MDGA2: variants seen among roughly 807,000 people sequenced by gnomAD.
MDGA2 encodes MAM domain containing glycosylphosphatidylinositol anchor 2.
In MDGA2, 40 loss-of-function variants were observed where a neutral mutation model predicts 117.8. The ratio of observed to expected loss-of-function variants is 0.34; its 90% CI spans 0.26 to 0.44. MDGA2 has a LOEUF of 0.44. Among genes scored for constraint, MDGA2 ranks in the 20% least tolerant of loss-of-function variants. MDGA2 has a pLI of 1.00. For synonymous variants in MDGA2, 452 were observed against 439.0 expected (o/e 1.03, Z -0.37); for missense variants, 1,123 against 1,250.6 (o/e 0.90, Z 1.54).
intron 1 of MDGA2, among the ~76,000 whole-genome samples, chr14:47,353,905 A>G (rs1890937387): frequency 6.6e-6 from 1 of 152,200 alleles, no homozygotes; most frequent in African/African-American, 2.4e-5. Flanking sequence ...AAAATCCTCA[A>G]CAGAATACTA....
At chr14:47,079,005 T>A (rs898780337) in intron 6 of MDGA2, among the ~76,000 whole-genome samples, 4 of 151,834 alleles carry the variant, frequency 2.6e-5, no homozygotes. Flanking sequence ...CAATACAACT[T>A]TTTTTAGATT....
chr14:47,224,306 T>TAGATAC (rs1235846779), intron 2 of MDGA2, among the ~76,000 whole-genome samples: 3 of 151,840 alleles, frequency 2.0e-5, no homozygotes, highest in African/African-American at 4.8e-5. Flanking sequence ...GATATAGATA[T>TAGATAC]AGATATAGAT....
At chr14:47,070,684 C>A (rs1202538964) in intron 6 of MDGA2, among the ~76,000 whole-genome samples, 1 of 152,172 alleles carries the variant, frequency 6.6e-6, no homozygotes, top group Non-Finnish European at 1.5e-5. Flanking sequence ...TGGCTCACTG[C>A]AACCTCTGCC....
chr14:47,568,712 T>TA (rs1230852726), intron 1 of MDGA2, among the ~76,000 whole-genome samples: 4 of 152,216 alleles, frequency 2.6e-5, no homozygotes, highest in Admixed American at 6.5e-5. Context: ...TTATAGTCTA[T>TA]AAAAAATAAT....
rs573330959 is a variant in MDGA2 at position 47,132,593 on chromosome 14, T to C, written c.793-747A>G. Among the ~76,000 whole-genome samples, 9 of 151,930 alleles carry C rather than the reference T, an allele frequency of 5.9e-5. No homozygotes were observed. In the South Asian group the frequency reaches 1.2e-3, roughly 21 times the overall value. Reference sequence around the variant, plus strand: ...ACTTTGTAAAAACATTGGATTGAAATTGTTGAAAGGAAAAAAAGAACAAAC... The same window carrying C: ...ACTTTGTAAAAACATTGGATTGAAACTGTTGAAAGGAAAAAAAGAACAAAC... On this transcript the variant is annotated intron_variant, in intron 4 of 16. Coordinates refer to ENST00000399232, the MANE Select transcript of MDGA2 (RefSeq NM_001113498.3).
chr14:47,318,810 G>GAAGGAAGGAAGC (rs1889890214), intron 1 of MDGA2, among the ~76,000 whole-genome samples: 2 of 149,942 alleles, frequency 1.3e-5, no homozygotes, highest in African/African-American at 2.5e-5. Flanking sequence ...AGGGAGGAAA[G>GAAGGAAGGAAGC]AAGGAAGGAA....
chr14:46,875,768 G>T (rs1882202488), intron 12 of MDGA2, among the ~76,000 whole-genome samples: 1 of 151,484 alleles, frequency 6.6e-6, no homozygotes, highest in South Asian at 2.1e-4. Context: ...AATGTTTTCA[G>T]TTATTTAATT....
At chr14:47,429,600 A>G (rs979990026) in intron 1 of MDGA2, among the ~76,000 whole-genome samples, 4 of 152,110 alleles carry the variant, frequency 2.6e-5, no homozygotes, top group African/African-American at 9.7e-5. Context: ...CATTAGGTAC[A>G]ATCTTCATAA....
At chr14:46,982,705 C>CAAAA (rs59530070) in intron 8 of MDGA2, among the ~76,000 whole-genome samples, 30 of 45,940 alleles carry the variant, frequency 6.5e-4, no homozygotes, top group African/African-American at 2.3e-3. Context: ...GAGACTCCAT[C>CAAAA]AAAAAAAAAA....
chr14:46,938,432 G>T (rs191363618), intron 9 of MDGA2, among the ~76,000 whole-genome samples: 16 of 149,980 alleles, frequency 1.1e-4, no homozygotes, highest in Non-Finnish European at 2.2e-4. Context: ...CCAGCTACTC[G>T]GGAGGGCTGA....
At chr14:47,403,411 G>GA (rs1337794206) in intron 1 of MDGA2, among the ~76,000 whole-genome samples, 1 of 152,072 alleles carries the variant, frequency 6.6e-6, no homozygotes, top group Non-Finnish European at 1.5e-5. Flanking sequence ...CTGTCTAGAT[G>GA]AATGTTGGAT....
At chr14:47,248,856 A>T (rs1473393177) in intron 2 of MDGA2, among the ~76,000 whole-genome samples, 1 of 152,168 alleles carries the variant, frequency 6.6e-6, no homozygotes, top group Non-Finnish European at 1.5e-5. Context: ...GAACTCAGAA[A>T]AAAATTAGTA....
chr14:46,905,924 C>T (rs1883474179), intron 10 of MDGA2, among the ~76,000 whole-genome samples: 1 of 151,904 alleles, frequency 6.6e-6, no homozygotes, highest in Non-Finnish European at 1.5e-5. Context: ...TGAAAATATG[C>T]ATAGCTGCAT....
intron 1 of MDGA2, among the ~76,000 whole-genome samples, chr14:47,504,402 AT>A (rs72384607): frequency 0.019 from 2,919 of 151,944 alleles, 65 homozygotes; most frequent in East Asian, 0.1. Context: ...ATATACATAT[AT>A]TTTTTTTCAA....
intron 2 of MDGA2, among the ~76,000 whole-genome samples, chr14:47,226,182 C>T (rs1886492363): frequency 6.6e-6 from 1 of 150,950 alleles, no homozygotes. Context: ...TGGCACCACT[C>T]CAGCCTGGGC....
chr14:47,278,719 T>G (rs1375576725), intron 2 of MDGA2, among the ~76,000 whole-genome samples: 1 of 152,204 alleles, frequency 6.6e-6, no homozygotes, highest in African/African-American at 2.4e-5. Context: ...AATATACGCA[T>G]ATGACACACA....
At chr14:47,041,020 TAATC>T (rs1442421140) in intron 7 of MDGA2, among the ~76,000 whole-genome samples, 2 of 152,120 alleles carry the variant, frequency 1.3e-5, no homozygotes, top group African/African-American at 4.8e-5. Context: ...GAGATAAACA[TAATC>T]AATATGAATC....
At chr14:47,120,939 T>C (rs1324715944) in intron 5 of MDGA2, among the ~76,000 whole-genome samples, 1 of 152,214 alleles carries the variant, frequency 6.6e-6, no homozygotes, top group Non-Finnish European at 1.5e-5. Flanking sequence ...ATATTAACAG[T>C]GGCCCCAAGG....
intron 2 of MDGA2, among the ~76,000 whole-genome samples, chr14:47,256,393 A>G (rs1357224481): frequency 6.6e-6 from 1 of 152,080 alleles, no homozygotes; most frequent in Non-Finnish European, 1.5e-5. Flanking sequence ...CACGAGTGAC[A>G]CTCACCAACA....
Sources: gnomAD v4.1 joint callset for allele counts (sites outside exome capture counted in the v4.1 genomes callset) on GRCh38, gnomAD v4.1.1 for gene constraint, MANE v1.5 for transcripts, NCBI Gene and HGNC (gene_info 2026-07-23, HGNC 2026-07-21) for gene names.